The following TBCD variants were observed in gnomAD, a reference collection of about 807,000 sequenced individuals.
The protein encoded by TBCD is tubulin folding cofactor D, also known as tubulin-specific chaperone D.
TBCD carries 105 observed loss-of-function variants against 169.3 expected under a neutral mutation model. The observed-to-expected ratio is 0.62, with a 90% CI of 0.53 to 0.73. TBCD has a LOEUF of 0.73. Among genes scored for constraint, TBCD ranks in the 30% least tolerant of loss-of-function variants. TBCD has a pLI of 0.00. For missense variants in TBCD, 1,444 were observed against 1,600.1 expected, an observed-to-expected ratio of 0.90 and a Z score of 1.66; for synonymous variants, 700 against 643.9, an observed-to-expected ratio of 1.09 and a Z score of -1.32.
At chr17:82,866,854 C>G (rs2145898221) in intron 13 of TBCD, among the ~76,000 whole-genome samples, 1 of 152,338 alleles carries the variant, frequency 6.6e-6, no homozygotes, top group South Asian at 2.1e-4. Flanking sequence ...CCACAGCCCT[C>G]TCAGGAACTG....
intron 13 of TBCD, among the ~76,000 whole-genome samples, chr17:82,844,997 G>T (rs2054882614): frequency 6.6e-6 from 1 of 152,124 alleles, no homozygotes; most frequent in South Asian, 2.1e-4. Context: ...AGAGGTGGGG[G>T]GTGCTTCCCT....
At chr17:82,939,216 G>A (rs1015783495) in intron 36 of TBCD, 151 bp from the exon 37 acceptor site, 11 of 679,324 alleles carry the variant, frequency 1.6e-5, no homozygotes, top group Admixed American at 2.4e-5. Flanking sequence ...CCTCTTGGTT[G>A]CAGCCCTGCT....
At position 82,789,294 on chromosome 17, in the gene TBCD, A is replaced by C. The variant is rs989959237; in HGVS notation, c.771+7573A>C. On this transcript the variant is annotated intron_variant, in intron 7 of 38. Transcript: ENST00000355528. This position sits in a 1 kb window ranked among gnomAD's most constrained non-coding sequence, Gnocchi z 4.8. ...GCGGGCACAGTGCCGTGAGTCTTAC[A>C]GAAACCTGCATGGTGAGCCGCACGC... Among the ~76,000 whole-genome samples the C allele has an allele frequency of 6.6e-6, 1 of 152,220 alleles. No individual in the cohort carries two copies. Among genetic ancestry groups the C allele is most frequent in the African/African-American group, 2.4e-5 (1 of 41,464 alleles).
In TBCD at chr17:82,942,775, C is replaced by T. The variant is rs755049886; in HGVS notation, c.*312C>T. On this transcript the variant is annotated 3_prime_UTR_variant, in exon 39 of 39. Transcript: ENST00000355528. ...AAAGGCTCACTGCCCAGGGGTCAGC[C>T]AGAGGGGAGGTGGGCTGCACTCCTC... 15 of 473,300 alleles carry T rather than the reference C, an allele frequency of 3.2e-5. No individual in the cohort carries two copies. The South Asian group carries it at 3.7e-4, about 12-fold the overall frequency. The allele number at this position is 473,300 out of a possible 1,614,324, so 29.3% of individuals were successfully genotyped here.
At chr17:82,840,907 C>T (rs932937593) in intron 13 of TBCD, among the ~76,000 whole-genome samples, 1 of 141,328 alleles carries the variant, frequency 7.1e-6, no homozygotes, top group Non-Finnish European at 1.5e-5. Context: ...AGGGCAGAGG[C>T]TGCAGGGCTG....
intron 37 of TBCD, among the ~76,000 whole-genome samples, chr17:82,940,219 G>GCACACACACACACACACA (rs1422867605): frequency 0.038 from 3,560 of 94,400 alleles, 68 homozygotes; most frequent in East Asian, 0.094. Context: ...ACTTGCACGC[G>GCACACACACACACACACA]CGCACACACA....
intron 29 of TBCD, 59 bp downstream of exon 29, chr17:82,927,382 C>T: frequency 1.3e-6 from 2 of 1,565,984 alleles, no homozygotes; most frequent in Non-Finnish European, 1.7e-6. Context: ...TCCGTGGAAA[C>T]TCGGAGGCCC....
chr17:82,851,153 A>C (rs1309415823), intron 13 of TBCD, among the ~76,000 whole-genome samples: 1 of 152,256 alleles, frequency 6.6e-6, no homozygotes, highest in Admixed American at 6.5e-5. Flanking sequence ...CCATGCTCAC[A>C]AAGTAATGAA....
chr17:82,806,052 G>T lies in TBCD; in HGVS notation c.1087+41G>T. ...GCGGCGGCCTCTGCTCTTGGGCACC[G>T]TCGGGCCAATTCCCCTCTACTCCAG... On this transcript the variant is annotated intron_variant, in intron 10 of 38. Coordinates refer to ENST00000355528, the MANE Select transcript of TBCD (RefSeq NM_005993.5). This position sits in a 1 kb window ranked among gnomAD's most constrained non-coding sequence, Gnocchi z 5.1. 1 of 1,598,726 alleles carries T rather than the reference G, an allele frequency of 6.3e-7. No homozygotes were observed. Among genetic ancestry groups the T allele is most frequent in the Non-Finnish European group, 8.6e-7 (1 of 1,168,540 alleles).
rs2144294719 is a variant in TBCD at position 82,781,726 on chromosome 17, G to A, written c.771+5G>A. ...GATGGGACGCTGCAGGCCCTGGTAA[G>A]TGCTGCCCGCAGGGGCTGTGGAGAT... On this transcript the variant is annotated splice_donor_5th_base_variant and intron_variant, in intron 7 of 38. Transcript: ENST00000355528. The A allele has an allele frequency of 2.5e-6, 4 of 1,613,462 alleles. No homozygotes were observed. The highest frequency in any genetic ancestry group is 2.2e-5 in the East Asian group (1 of 44,862).
At chr17:82,882,929 C>T (rs151273106) in intron 14 of TBCD, among the ~76,000 whole-genome samples, 12 of 152,236 alleles carry the variant, frequency 7.9e-5, no homozygotes, top group South Asian at 2.1e-4. Context: ...CAGGCTGGAG[C>T]GGGTGACGGT....
At chr17:82,820,984 C>CTCAAA (rs1432683776) in intron 13 of TBCD, among the ~76,000 whole-genome samples, 1 of 152,176 alleles carries the variant, frequency 6.6e-6, no homozygotes, top group African/African-American at 2.4e-5. Context: ...GAGACAGGGT[C>CTCAAA]TTGCTCTGTC....
chr17:82,756,314 A>C (rs991522840), intron 2 of TBCD, 99 bp downstream of exon 2: 13 of 1,251,468 alleles, frequency 1.0e-5, no homozygotes, highest in Non-Finnish European at 1.5e-5. Context: ...GCCAGGATCA[A>C]ATGCCAAGAA....
rs762263319 is a variant in TBCD, at chr17:82,927,894, T to C, written c.2610-11T>C. On this transcript the variant is annotated splice_polypyrimidine_tract_variant and intron_variant, in intron 29 of 38. Coordinates refer to ENST00000355528, the MANE Select transcript of TBCD (RefSeq NM_005993.5). ...CAAGCTGGGTGTCTCTGCCTCTCCT[T>C]GTCCCATCAGGGTCCGCAAGGCCGC... is the stretch of plus-strand genomic sequence containing the variant. The C allele has an allele frequency of 4.3e-6, 7 of 1,612,914 alleles. No homozygotes were observed. The highest frequency in any genetic ancestry group is 3.3e-5 in the Admixed American group (2 of 59,984).
chr17:82,931,563 G>A (rs1404003552), intron 33 of TBCD, among the ~76,000 whole-genome samples: 1 of 152,224 alleles, frequency 6.6e-6, no homozygotes, highest in Non-Finnish European at 1.5e-5. Flanking sequence ...GTGTCTGTTG[G>A]TGGAGGCACC....
At position 82,926,872 on chromosome 17, in the gene TBCD, C is replaced by T. The variant is rs949509209; in HGVS notation, c.2472-314C>T. Reference sequence around the variant, plus strand: ...CAGGCACACAAGAGGAGCAGTCCCGCGGGGGCCACGCACGCCCCCTTCTCT... The same window carrying T: ...CAGGCACACAAGAGGAGCAGTCCCGTGGGGGCCACGCACGCCCCCTTCTCT... On this transcript the variant is annotated intron_variant, in intron 28 of 38. Coordinates refer to ENST00000355528, the MANE Select transcript of TBCD (RefSeq NM_005993.5). The T allele has an allele frequency of 1.0e-5, 5 of 501,368 alleles. 1 individual carries two copies. Among genetic ancestry groups the T allele is most frequent in the South Asian group, 4.7e-5 (2 of 42,898 alleles). The allele number at this position is 501,368 out of a possible 1,614,324, so 31.1% of individuals were successfully genotyped here. A position where few individuals can be genotyped will look rare whatever the true frequency, so the allele number is the denominator to read the frequency against.
intron 7 of TBCD, among the ~76,000 whole-genome samples, chr17:82,792,536 C>T (rs1314592607): frequency 6.6e-6 from 1 of 152,178 alleles, no homozygotes; most frequent in Non-Finnish European, 1.5e-5. Flanking sequence ...GAATGACAGA[C>T]GTAGGAAGCC....
rs1266301003 is a variant in TBCD, at chr17:82,944,423, G to A, written c.*1960G>A. On this transcript the variant is annotated 3_prime_UTR_variant, in exon 39 of 39. Coordinates refer to ENST00000355528, the MANE Select transcript of TBCD (RefSeq NM_005993.5). ...ACCCCTTGCTCACATGATAGCTGGGGCAGACAATAGCAAATGAACAAGCAA... is the reference window on the plus strand; with the variant it reads ...ACCCCTTGCTCACATGATAGCTGGGACAGACAATAGCAAATGAACAAGCAA... 6.6e-6 allele frequency: 1 copy of A among 152,212 alleles called. No individual in the cohort carries two copies. Among genetic ancestry groups the A allele is most frequent in the Non-Finnish European group, 1.5e-5 (1 of 68,054 alleles). The allele number at this position is 152,212 out of a possible 1,614,324, so 9.4% of individuals were successfully genotyped here.
chr17:82,923,945 G>T lies in TBCD; in HGVS notation c.2260+212G>T, dbSNP rs1036213027. 6.6e-6 allele frequency among the ~76,000 whole-genome samples: 1 copy of T among 152,130 alleles called. No homozygotes were observed. The highest frequency in any genetic ancestry group is 1.5e-5 in the Non-Finnish European group (1 of 68,018). Reference sequence around the variant, plus strand: ...AGGATGTTGCATCAGCTCTGAACAGGTGGCTCAGCAGGGACGCGTCTCTGT... The same window carrying T: ...AGGATGTTGCATCAGCTCTGAACAGTTGGCTCAGCAGGGACGCGTCTCTGT... On this transcript the variant is annotated intron_variant, in intron 26 of 38. Coordinates refer to ENST00000355528, the MANE Select transcript of TBCD (RefSeq NM_005993.5). The surrounding 1 kb of genome is among the most constrained non-coding windows in gnomAD (Gnocchi z 4.6).
Sources: gnomAD v4.1 joint callset for allele counts (sites outside exome capture counted in the v4.1 genomes callset) on GRCh38, gnomAD v4.1.1 for gene constraint, Gnocchi (gnomAD v3.1) non-coding constraint, MANE v1.5 for transcripts, NCBI Gene and HGNC (gene_info 2026-07-23, HGNC 2026-07-21) for gene names.